The following PTPRT variants were observed in gnomAD, a reference collection of about 807,000 sequenced individuals.
PTPRT encodes the protein receptor-type tyrosine-protein phosphatase T.
A neutral mutation model predicts 176.8 loss-of-function variants in PTPRT; 56 were observed. That is an observed-to-expected ratio of 0.32 (90% CI 0.26 to 0.40). The LOEUF (loss-of-function observed/expected upper bound fraction) is 0.40, where lower values mean the gene tolerates loss of function less well. Among genes scored for constraint, PTPRT ranks in the 10% least tolerant of loss-of-function variants. The pLI is 1.00. For missense variants in PTPRT, 1,540 were observed against 1,908.2 expected (o/e 0.81, Z 3.60); for synonymous variants, 783 against 739.0 (o/e 1.06, Z -0.96).
rs1158638222 is a variant in PTPRT at position 42,110,460 on chromosome 20, G to A, written c.3127C>T (p.Arg1043Cys). The change falls in exon 23 of 31, where the codon CGC becomes TGC. Residue 1043 changes from arginine to cysteine, a missense_variant. Physicochemically the swap from Arg to Cys is radical, Grantham distance 180. Coordinates refer to ENST00000373187, the MANE Select transcript of PTPRT (RefSeq NM_007050.6). ...GGCCAGCTGGTGAAGTGGAAGAGGC[G>A]GAGCTCCCGGATCTCATGGTAGCCT... ...KKGYHEIREL[R>C]LFHFTSWPDH... is the part of the protein sequence containing the mutation. 5.0e-6 allele frequency: 8 copies of A among 1,610,000 alleles called. No homozygotes were observed. The highest frequency in any genetic ancestry group is 2.2e-5 in the South Asian group (2 of 90,688).
chr20:42,201,101 G>A (rs972951304), intron 15 of PTPRT, among the ~76,000 whole-genome samples: 1 of 152,208 alleles, frequency 6.6e-6, no homozygotes, highest in Non-Finnish European at 1.5e-5. Flanking sequence ...GATCACTTGA[G>A]CCCAGGAATT....
intron 2 of PTPRT, among the ~76,000 whole-genome samples, chr20:42,853,721 A>G (rs2078515208): frequency 1.3e-5 from 2 of 152,192 alleles, no homozygotes; most frequent in South Asian, 4.1e-4. Context: ...CCCAAAATTA[A>G]TGTTTTACCA....
chr20:42,967,273 G>A (rs1394843433), intron 1 of PTPRT, among the ~76,000 whole-genome samples: 2 of 152,166 alleles, frequency 1.3e-5, no homozygotes, highest in Non-Finnish European at 2.9e-5. Flanking sequence ...GGTCTTAGCA[G>A]ATGTAATTAA....
At chr20:42,874,257 C>G (rs1254330297) in intron 2 of PTPRT, among the ~76,000 whole-genome samples, 1 of 152,148 alleles carries the variant, frequency 6.6e-6, no homozygotes, top group Non-Finnish European at 1.5e-5. Flanking sequence ...GTGTCGCTGA[C>G]ACACGACTGT....
At chr20:43,100,280 G>A (rs898505514) in intron 1 of PTPRT, among the ~76,000 whole-genome samples, 7 of 152,114 alleles carry the variant, frequency 4.6e-5, no homozygotes, top group Admixed American at 1.3e-4. Context: ...TGGAGGCTCA[G>A]GCAGGAGAAT....
intron 6 of PTPRT, among the ~76,000 whole-genome samples, chr20:42,696,444 T>C (rs1028071698): frequency 8.1e-6 from 1 of 123,696 alleles, no homozygotes; most frequent in Non-Finnish European, 1.7e-5. Flanking sequence ...AGCCTTCCAA[T>C]AGCCACATGA....
chr20:43,097,683 T>C (rs1312901932), intron 1 of PTPRT, among the ~76,000 whole-genome samples: 1 of 152,112 alleles, frequency 6.6e-6, no homozygotes, highest in Non-Finnish European at 1.5e-5. Flanking sequence ...CTCTCCTGAC[T>C]CTCAGAATTT....
chr20:42,832,670 A>C (rs1305132059), intron 2 of PTPRT, among the ~76,000 whole-genome samples: 1 of 150,746 alleles, frequency 6.6e-6, no homozygotes, highest in Admixed American at 6.6e-5. Context: ...TTAGAAGATG[A>C]AGTTGAGGAT....
the PTPRT span, among the ~76,000 whole-genome samples, chr20:42,066,224 T>C: frequency 6.6e-6 from 1 of 151,866 alleles, no homozygotes; most frequent in African/African-American, 2.4e-5. Flanking sequence ...GTATTTTTAA[T>C]AGAGACAGGG....
At chr20:42,432,600 A>G (rs1348894214) in intron 9 of PTPRT, among the ~76,000 whole-genome samples, 1 of 152,172 alleles carries the variant, frequency 6.6e-6, no homozygotes, top group African/African-American at 2.4e-5. Flanking sequence ...GCAATACAAA[A>G]CCAAATTATG....
intron 13 of PTPRT, among the ~76,000 whole-genome samples, chr20:42,258,001 T>C (rs1323928939): frequency 6.6e-6 from 1 of 152,056 alleles, no homozygotes; most frequent in Non-Finnish European, 1.5e-5. Context: ...ATTATTCTCT[T>C]TAACCTATCG....
At chr20:42,941,829 T>C (rs1980573626) in intron 1 of PTPRT, among the ~76,000 whole-genome samples, 1 of 152,172 alleles carries the variant, frequency 6.6e-6, no homozygotes, top group Admixed American at 6.5e-5. Flanking sequence ...TATGCTGATG[T>C]CAAACAATTT....
intron 2 of PTPRT, among the ~76,000 whole-genome samples, chr20:42,878,843 A>G (rs1310034095): frequency 1.3e-5 from 2 of 152,108 alleles, no homozygotes; most frequent in East Asian, 3.9e-4. Context: ...CCTGGCTAAC[A>G]TGGTGAAACC....
chr20:42,808,689 C>T (rs939040566), intron 2 of PTPRT, among the ~76,000 whole-genome samples: 4 of 152,208 alleles, frequency 2.6e-5, no homozygotes, highest in Middle Eastern at 6.8e-3. Flanking sequence ...AATCTGGATG[C>T]GTCAAGTAGA....
At chr20:42,630,667 A>G (rs192969499) in intron 7 of PTPRT, among the ~76,000 whole-genome samples, 1 of 152,332 alleles carries the variant, frequency 6.6e-6, no homozygotes, top group Admixed American at 6.5e-5. Context: ...ATTTAAAATC[A>G]TACATTATTT....
intron 1 of PTPRT, among the ~76,000 whole-genome samples, chr20:43,036,756 GA>G (rs537927072): frequency 7.2e-5 from 11 of 152,212 alleles, no homozygotes; most frequent in African/African-American, 2.4e-4. Flanking sequence ...GGAAGATGGA[GA>G]AAAAATACCA....
chr20:42,709,713 G>T (rs970397681), intron 6 of PTPRT, among the ~76,000 whole-genome samples: 5 of 152,182 alleles, frequency 3.3e-5, no homozygotes, highest in African/African-American at 4.8e-5. Flanking sequence ...CTGGTAATGG[G>T]CAGAGGCTGG....
intron 1 of PTPRT, among the ~76,000 whole-genome samples, chr20:43,072,028 C>A (rs1052391910): frequency 6.6e-6 from 1 of 152,148 alleles, no homozygotes; most frequent in Non-Finnish European, 1.5e-5. Flanking sequence ...AGACTGTGAG[C>A]CTCTTGAAAT....
chr20:42,235,916 G>A (rs1179600722), intron 15 of PTPRT, among the ~76,000 whole-genome samples: 2 of 152,174 alleles, frequency 1.3e-5, no homozygotes, highest in East Asian at 3.9e-4. Flanking sequence ...TCCTACAGCA[G>A]GATTTGGTCC....
Sources: allele counts gnomAD v4.1 joint callset (sites outside exome capture counted in the v4.1 genomes callset), GRCh38; gene constraint gnomAD v4.1.1; transcripts MANE v1.5; gene names NCBI Gene and HGNC (gene_info 2026-07-23, HGNC 2026-07-21).